MS4A4E: variants seen among roughly 807,000 people sequenced by gnomAD.
MS4A4E encodes the protein putative membrane-spanning 4-domains subfamily A member 4E.
MS4A4E carries 23 observed loss-of-function variants against 13.3 expected under a neutral mutation model. The ratio of observed to expected loss-of-function variants is 1.73; its 90% CI spans 1.25 to 2.45. MS4A4E has a LOEUF of 2.45. MS4A4E is among the 30% of genes most tolerant of loss of function. The pLI is 0.00. For missense variants in MS4A4E, 144 were observed against 131.2 expected, an observed-to-expected ratio of 1.10 and a Z score of -0.48; for synonymous variants, 36 against 45.6, an observed-to-expected ratio of 0.79 and a Z score of 0.85.
intron 3 of MS4A4E, among the ~76,000 whole-genome samples, chr11:60,222,605 G>C (rs1201557531): frequency 6.6e-6 from 1 of 152,094 alleles, no homozygotes; most frequent in Non-Finnish European, 1.5e-5. Context: ...AGTGGAAGTG[G>C]CACCACTTAC....
At position 60,208,509 on chromosome 11, in the gene MS4A4E, G is replaced by A. The variant is rs1039264740; in HGVS notation, c.483+84C>T. 12 of 493,314 alleles carry A rather than the reference G, an allele frequency of 2.4e-5. No individual in the cohort carries two copies. In the South Asian group the frequency reaches 4.3e-4, roughly 18 times the overall value. The allele number at this position is 493,314 out of a possible 1,614,324, so 30.6% of individuals were successfully genotyped here. On this transcript the variant is annotated intron_variant, in intron 6 of 8. Transcript: ENST00000651255. Reference sequence around the variant, plus strand: ...AACTGAAATATAATGAATGTGTACTGTGTTAAGACTATAAGTTTGTTTAAC... The same window carrying A: ...AACTGAAATATAATGAATGTGTACTATGTTAAGACTATAAGTTTGTTTAAC...
Position 60,233,138 on chromosome 11 carries a change from G to A in MS4A4E, c.-16-3067C>T, listed in dbSNP as rs114367175. The stretch of plus-strand genomic sequence containing the variant: ...CTGCTCCAAGAAACCCAAGGAAAAA[G>A]CTACAGACAGGCCTAGTCATTCCTG... On this transcript the variant is annotated intron_variant, in intron 1 of 8. Transcript: ENST00000651255. Among the ~76,000 whole-genome samples the A allele has an allele frequency of 4.3e-3, 659 of 151,630 alleles. 3 individuals carry two copies. The highest frequency in any genetic ancestry group is 0.015 in the African/African-American group (599 of 40,952).
At chr11:60,217,043 A>G (rs2084204298) in intron 3 of MS4A4E, among the ~76,000 whole-genome samples, 1 of 152,170 alleles carries the variant, frequency 6.6e-6, no homozygotes, top group Non-Finnish European at 1.5e-5. Flanking sequence ...CAGAATATTA[A>G]GGATGGAGTT....
intron 5 of MS4A4E, among the ~76,000 whole-genome samples, chr11:60,209,977 A>G (rs1332181062): frequency 6.6e-6 from 1 of 152,268 alleles, no homozygotes; most frequent in African/African-American, 2.4e-5. Flanking sequence ...AATATAGAAC[A>G]GCAAACAAAA....
intron 1 of MS4A4E, among the ~76,000 whole-genome samples, chr11:60,234,789 A>ACCC (rs1565129341): frequency 7.0e-6 from 1 of 142,376 alleles, no homozygotes; most frequent in Admixed American, 6.9e-5. Context: ...CCCCCCCCCC[A>ACCC]AAATAACAAA....
chr11:60,234,787 C>G (rs10897018), intron 1 of MS4A4E, among the ~76,000 whole-genome samples: 1 of 69,350 alleles, frequency 1.4e-5, no homozygotes, highest in Non-Finnish European at 3.4e-5. Context: ...ACCCCCCCCC[C>G]CAAAATAACA....
At chr11:60,206,396 A>G (rs1010710086) in intron 6 of MS4A4E, among the ~76,000 whole-genome samples, 1 of 148,446 alleles carries the variant, frequency 6.7e-6, no homozygotes, top group African/African-American at 2.5e-5. Context: ...AGTACTCTCG[A>G]TAAAGGGCCA....
chr11:60,233,113 C>T (rs2084434047), intron 1 of MS4A4E, among the ~76,000 whole-genome samples: 1 of 152,108 alleles, frequency 6.6e-6, no homozygotes, highest in Admixed American at 6.5e-5. Flanking sequence ...ATTTCTGCAC[C>T]TGCTCCAAGA....
intron 2 of MS4A4E, among the ~76,000 whole-genome samples, chr11:60,229,177 T>C (rs1224946634): frequency 6.6e-6 from 1 of 152,242 alleles, no homozygotes; most frequent in Non-Finnish European, 1.5e-5. Context: ...TCAATTGTTC[T>C]TTAAGCCTAA....
At chr11:60,204,617 AC>A (rs1219113758) in intron 8 of MS4A4E, among the ~76,000 whole-genome samples, 4 of 152,190 alleles carry the variant, frequency 2.6e-5, no homozygotes, top group African/African-American at 9.7e-5. Flanking sequence ...CCATCATGCT[AC>A]TATATGAACC....
At chr11:60,220,797 C>T (rs967246262) in intron 3 of MS4A4E, among the ~76,000 whole-genome samples, 1 of 152,124 alleles carries the variant, frequency 6.6e-6, no homozygotes, top group Admixed American at 6.5e-5. Flanking sequence ...CCAAGAAAGA[C>T]TCACAATGCC....
chr11:60,227,220 C>G (rs1435311173), intron 3 of MS4A4E, among the ~76,000 whole-genome samples: 1 of 152,118 alleles, frequency 6.6e-6, no homozygotes, highest in Admixed American at 6.5e-5. Context: ...TCAGTTCTTC[C>G]CAATTTAATC....
intron 3 of MS4A4E, among the ~76,000 whole-genome samples, chr11:60,225,720 A>G (rs574179915): frequency 6.6e-6 from 1 of 152,256 alleles, no homozygotes; most frequent in Non-Finnish European, 1.5e-5. Flanking sequence ...AAAATCAATC[A>G]CCTGAGAGTC....
chr11:60,215,193 G>T (rs1363679831), intron 3 of MS4A4E, among the ~76,000 whole-genome samples: 1 of 151,636 alleles, frequency 6.6e-6, no homozygotes, highest in African/African-American at 2.4e-5. Context: ...GATCTCAGAT[G>T]ATTCAAAAAT....
chr11:60,225,240 T>C, intron 3 of MS4A4E: 2 of 706,338 alleles, frequency 2.8e-6, no homozygotes, highest in Non-Finnish European at 4.2e-6. Flanking sequence ...TTTTTTCACA[T>C]AAAGAACCAT....
intron 3 of MS4A4E, among the ~76,000 whole-genome samples, chr11:60,218,154 TC>T (rs368075879): frequency 3.5e-4 from 54 of 152,260 alleles, no homozygotes; most frequent in East Asian, 2.1e-3. Context: ...GACCCCAGTC[TC>T]CCATAGCGCT....
chr11:60,219,677 T>C (rs997186625), intron 3 of MS4A4E, among the ~76,000 whole-genome samples: 10 of 152,180 alleles, frequency 6.6e-5, no homozygotes, highest in Admixed American at 2.0e-4. Context: ...TGACAATTTA[T>C]GTTGTTAATC....
intron 1 of MS4A4E, among the ~76,000 whole-genome samples, chr11:60,238,649 ACT>A (rs1436759207): frequency 3.3e-5 from 5 of 151,742 alleles, no homozygotes; most frequent in African/African-American, 9.7e-5. Context: ...ATGTGTTTCT[ACT>A]CTCTATTATT....
chr11:60,240,958 A>G (rs892548444), intron 1 of MS4A4E, among the ~76,000 whole-genome samples: 3 of 152,226 alleles, frequency 2.0e-5, no homozygotes, highest in Admixed American at 6.5e-5. Flanking sequence ...TTTGAAAGAA[A>G]CTGAAGATAA....
Sources: allele counts gnomAD v4.1 joint callset (sites outside exome capture counted in the v4.1 genomes callset), GRCh38; gene constraint gnomAD v4.1.1; transcripts MANE v1.5; gene names NCBI Gene and HGNC (gene_info 2026-07-23, HGNC 2026-07-21).